SPATA17: variants seen among roughly 807,000 people sequenced by gnomAD.
SPATA17 encodes the protein spermatogenesis-associated protein 17.
Under a neutral mutation model 62.2 loss-of-function variants are expected in SPATA17, and 53 were observed. The ratio of observed to expected loss-of-function variants is 0.85; its 90% CI spans 0.68 to 1.07. The LOEUF (loss-of-function observed/expected upper bound fraction) is 1.07, where lower values mean the gene tolerates loss of function less well. Among genes scored for constraint, SPATA17 ranks in the 50% least tolerant of loss-of-function variants. The probability of loss-of-function intolerance (pLI) is 0.00; values close to 1 mark genes in which losing one functional copy is unlikely to be tolerated. For missense variants in SPATA17, 466 were observed against 425.5 expected, an observed-to-expected ratio of 1.10 and a Z score of -0.84; for synonymous variants, 146 against 146.8, an observed-to-expected ratio of 0.99 and a Z score of 0.04.
At chr1:217,795,251 T>A (rs1674103462) in intron 8 of SPATA17, among the ~76,000 whole-genome samples, 1 of 151,990 alleles carries the variant, frequency 6.6e-6, no homozygotes, top group African/African-American at 2.4e-5. Flanking sequence ...TATAATACAG[T>A]ATATAGCATT....
At chr1:217,636,179 T>C (rs975044199) in intron 1 of SPATA17, among the ~76,000 whole-genome samples, 3 of 147,846 alleles carry the variant, frequency 2.0e-5, no homozygotes, top group African/African-American at 7.5e-5. Context: ...AGTGACATGA[T>C]GTGACTTCTG....
chr1:217,757,750 A>C (rs1258746786), intron 6 of SPATA17, among the ~76,000 whole-genome samples: 2 of 152,158 alleles, frequency 1.3e-5, no homozygotes, highest in African/African-American at 4.8e-5. Context: ...AAAATAACCA[A>C]ATAAACATGG....
intron 3 of SPATA17, among the ~76,000 whole-genome samples, chr1:217,651,896 T>C (rs1670323523): frequency 6.6e-6 from 1 of 152,202 alleles, no homozygotes; most frequent in South Asian, 2.1e-4. Context: ...GTCGTACTCA[T>C]TTGGCAGGCT....
intron 9 of SPATA17, among the ~76,000 whole-genome samples, chr1:217,810,537 A>G (rs1013118172): frequency 6.6e-6 from 1 of 151,896 alleles, no homozygotes; most frequent in Admixed American, 6.6e-5. Flanking sequence ...CAGAAGAATC[A>G]CTTGAACCCA....
chr1:217,715,921 A>G (rs190743573), intron 5 of SPATA17, among the ~76,000 whole-genome samples: 1 of 152,180 alleles, frequency 6.6e-6, no homozygotes, highest in South Asian at 2.1e-4. Context: ...GTAGTCTGCT[A>G]ATTTGCATTT....
intron 9 of SPATA17, among the ~76,000 whole-genome samples, chr1:217,849,927 C>G (rs893053021): frequency 6.6e-6 from 1 of 152,272 alleles, no homozygotes; most frequent in Non-Finnish European, 1.5e-5. Context: ...TGGTGTCCCC[C>G]TCTGAACAGG....
chr1:217,653,057 G>A (rs1278467194), intron 3 of SPATA17, among the ~76,000 whole-genome samples: 1 of 152,198 alleles, frequency 6.6e-6, no homozygotes. Flanking sequence ...AGAGTAATAT[G>A]AGTGAGTGAT....
At chr1:217,795,926 TAGCTG>T (rs1553252753) in intron 8 of SPATA17, among the ~76,000 whole-genome samples, 2 of 151,976 alleles carry the variant, frequency 1.3e-5, no homozygotes, top group Non-Finnish European at 1.5e-5. Flanking sequence ...GCCTCTCTAG[TAGCTG>T]AGACTACACC....
At position 217,742,117 on chromosome 1, in the gene SPATA17, G is replaced by C; in HGVS notation, c.519+19G>C. On this transcript the variant is annotated intron_variant, in intron 6 of 10. Transcript: ENST00000366933. ...AAAGCAGGTTGGTTTACCTGTCCCT[G>C]ACAGCTCCTGTAAGCCACTTGGGCC... 6.2e-7 allele frequency: 1 copy of C among 1,613,522 alleles called. No individual in the cohort carries two copies. Among genetic ancestry groups the C allele is most frequent in the Non-Finnish European group, 8.5e-7 (1 of 1,179,708 alleles).
At chr1:217,739,161 T>C (rs1558586364) in intron 5 of SPATA17, among the ~76,000 whole-genome samples, 1 of 151,892 alleles carries the variant, frequency 6.6e-6, no homozygotes, top group Non-Finnish European at 1.5e-5. Flanking sequence ...TATCAGAAAA[T>C]GTTTTATAGA....
At chr1:217,779,901 C>G (rs1040878447) in intron 7 of SPATA17, among the ~76,000 whole-genome samples, 5 of 152,070 alleles carry the variant, frequency 3.3e-5, no homozygotes, top group Middle Eastern at 3.4e-3. Flanking sequence ...ATGGAAAATA[C>G]AGCAGAACAT....
intron 9 of SPATA17, among the ~76,000 whole-genome samples, chr1:217,861,466 A>G (rs1675896315): frequency 6.6e-6 from 1 of 151,184 alleles, no homozygotes; most frequent in Non-Finnish European, 1.5e-5. Flanking sequence ...CAACAAAAAA[A>G]GTCACTGATG....
chr1:217,719,441 C>G (rs1256621143), intron 5 of SPATA17, among the ~76,000 whole-genome samples: 3 of 151,998 alleles, frequency 2.0e-5, no homozygotes, highest in Admixed American at 2.0e-4. Flanking sequence ...AGAGTTACAC[C>G]CAAACCTGAT....
At chr1:217,726,349 A>T (rs1334917878) in intron 5 of SPATA17, among the ~76,000 whole-genome samples, 1 of 152,172 alleles carries the variant, frequency 6.6e-6, no homozygotes, top group Non-Finnish European at 1.5e-5. Context: ...ACTTTTCCTC[A>T]TTCTCCTCCA....
At chr1:217,668,639 A>G (rs546066991) in intron 3 of SPATA17, among the ~76,000 whole-genome samples, 95 of 152,314 alleles carry the variant, frequency 6.2e-4, no homozygotes, top group Middle Eastern at 6.8e-3. Flanking sequence ...GACGTCTTGA[A>G]ATATGAATTC....
intron 9 of SPATA17, among the ~76,000 whole-genome samples, chr1:217,802,166 G>T (rs1451670238): frequency 6.6e-6 from 1 of 152,054 alleles, no homozygotes; most frequent in East Asian, 1.9e-4. Context: ...TAACTCTCAG[G>T]CATGGAGATC....
chr1:217,741,932 T>C (rs1672632669), intron 5 of SPATA17, 43 bp from the exon 6 acceptor site: 5 of 1,609,098 alleles, frequency 3.1e-6, no homozygotes, highest in Non-Finnish European at 4.2e-6. Context: ...ATTAAAATGT[T>C]AACACATAGT....
chr1:217,702,894 T>TG (rs573263254), intron 5 of SPATA17, among the ~76,000 whole-genome samples: 33 of 152,254 alleles, frequency 2.2e-4, no homozygotes, highest in African/African-American at 7.7e-4. Context: ...TTACTTTTTT[T>TG]TTTTTGAGAT....
chr1:217,708,019 T>A (rs1198060458), intron 5 of SPATA17, among the ~76,000 whole-genome samples: 1 of 152,128 alleles, frequency 6.6e-6, no homozygotes, highest in South Asian at 2.1e-4. Flanking sequence ...AGAACAAAGA[T>A]ACAACATACC....
Sources: gnomAD v4.1 joint callset for allele counts (sites outside exome capture counted in the v4.1 genomes callset) on GRCh38, gnomAD v4.1.1 for gene constraint, MANE v1.5 for transcripts, NCBI Gene and HGNC (gene_info 2026-07-23, HGNC 2026-07-21) for gene names.